Variants in PITPNC1 observed in about 807,000 individuals in gnomAD.
PITPNC1 encodes phosphatidylinositol transfer protein cytoplasmic 1.
PITPNC1 carries 18 observed loss-of-function variants against 44.7 expected under a neutral mutation model. That is an observed-to-expected ratio of 0.40 (90% CI 0.28 to 0.60). The LOEUF is 0.60. Ranked by LOEUF, PITPNC1 falls within the 20% of genes least tolerant of loss-of-function variation. The pLI is 0.39. For missense variants in PITPNC1, 290 were observed against 418.4 expected, an observed-to-expected ratio of 0.69 and a Z score of 2.68; for synonymous variants, 141 against 149.6, an observed-to-expected ratio of 0.94 and a Z score of 0.42.
At position 67,410,355 on chromosome 17, in the gene PITPNC1, A is replaced by T. The variant is rs528780956; in HGVS notation, c.48+32153A>T. ...TTTTAAAATATTAATGTGGACCTTA[A>T]ACAGGTCTTTGGCTGGTTGAGGTAG... On this transcript the variant is annotated intron_variant, in intron 1 of 8. Coordinates refer to ENST00000581322, the MANE Select transcript of PITPNC1 (RefSeq NM_012417.4). Among the ~76,000 whole-genome samples the T allele has an allele frequency of 1.3e-3, 196 of 152,254 alleles. 1 individual carries two copies. The highest frequency in any genetic ancestry group is 4.6e-3 in the African/African-American group (193 of 41,562).
chr17:67,631,695 T>C (rs1469708964), intron 5 of PITPNC1, among the ~76,000 whole-genome samples: 1 of 117,026 alleles, frequency 8.5e-6, no homozygotes, highest in Non-Finnish European at 1.8e-5. Context: ...TTAACATATA[T>C]ATAATTTTAA....
At chr17:67,653,051 G>A (rs551073614) in intron 6 of PITPNC1, among the ~76,000 whole-genome samples, 46 of 152,276 alleles carry the variant, frequency 3.0e-4, no homozygotes, top group African/African-American at 9.9e-4. Flanking sequence ...GGAGGTCAAC[G>A]CAGGCGGATC....
chr17:67,466,784 T>G (rs2039433947), intron 1 of PITPNC1, among the ~76,000 whole-genome samples: 2 of 152,096 alleles, frequency 1.3e-5, no homozygotes, highest in Non-Finnish European at 2.9e-5. Context: ...GGCAGGAGGT[T>G]GGGCTGGGAG....
intron 5 of PITPNC1, among the ~76,000 whole-genome samples, chr17:67,623,109 CAAAA>C (rs1198070826): frequency 0.035 from 2,986 of 85,300 alleles, 111 homozygotes; most frequent in African/African-American, 0.12. Context: ...TCCCAAAAGC[CAAAA>C]AAAAAAAAAA....
At chr17:67,576,198 T>C (rs1598841920) in intron 4 of PITPNC1, among the ~76,000 whole-genome samples, 2 of 152,058 alleles carry the variant, frequency 1.3e-5, no homozygotes, top group East Asian at 3.9e-4. Flanking sequence ...TTTCTAACAA[T>C]TCTGGGCTGC....
intron 1 of PITPNC1, among the ~76,000 whole-genome samples, chr17:67,406,575 G>A (rs1468863668): frequency 1.4e-5 from 2 of 144,026 alleles, no homozygotes; most frequent in South Asian, 2.2e-4. Flanking sequence ...GCTTAATTAT[G>A]TATATATTAT....
intron 6 of PITPNC1, among the ~76,000 whole-genome samples, chr17:67,649,849 CA>C (rs2042190398): frequency 6.6e-6 from 1 of 152,052 alleles, no homozygotes; most frequent in African/African-American, 2.4e-5. Flanking sequence ...AGTTTATTAT[CA>C]AGGATATGAC....
At chr17:67,410,323 C>T (rs1235732373) in intron 1 of PITPNC1, among the ~76,000 whole-genome samples, 1 of 152,126 alleles carries the variant, frequency 6.6e-6, no homozygotes, top group Non-Finnish European at 1.5e-5. Context: ...TTAAGTATCT[C>T]TTTACATTTT....
At chr17:67,507,210 C>T (rs908870814) in intron 1 of PITPNC1, among the ~76,000 whole-genome samples, 2 of 152,044 alleles carry the variant, frequency 1.3e-5, no homozygotes, top group Non-Finnish European at 2.9e-5. Context: ...AGAGAAGCCA[C>T]GCTGAGAATG....
At chr17:67,490,348 T>C (rs1297842627) in intron 1 of PITPNC1, among the ~76,000 whole-genome samples, 1 of 151,918 alleles carries the variant, frequency 6.6e-6, no homozygotes, top group African/African-American at 2.4e-5. Flanking sequence ...TGTTGGTTTT[T>C]TGTTTTTTGT....
chr17:67,623,381 C>T (rs1422348830), intron 5 of PITPNC1, among the ~76,000 whole-genome samples: 1 of 152,000 alleles, frequency 6.6e-6, no homozygotes, highest in Non-Finnish European at 1.5e-5. Flanking sequence ...CTTTTCTTTT[C>T]TTTTCTTTTT....
chr17:67,662,980 G>T (rs1374400817), intron 6 of PITPNC1, among the ~76,000 whole-genome samples: 1 of 152,082 alleles, frequency 6.6e-6, no homozygotes, highest in Non-Finnish European at 1.5e-5. Context: ...TTTGTGAATA[G>T]CACAGTGATG....
intron 5 of PITPNC1, among the ~76,000 whole-genome samples, chr17:67,607,430 A>G (rs1190345631): frequency 6.6e-6 from 1 of 152,236 alleles, no homozygotes; most frequent in African/African-American, 2.4e-5. Context: ...GCAGATGGAC[A>G]GGGGGTGCTC....
At chr17:67,675,570 T>G (rs749009010) in intron 8 of PITPNC1, 28 bp downstream of exon 8, 7 of 1,459,966 alleles carry the variant, frequency 4.8e-6, no homozygotes, top group Non-Finnish European at 6.7e-6. Flanking sequence ...AAATAACTTG[T>G]AGAACAACTT....
At chr17:67,387,238 C>G (rs1055611371) in intron 1 of PITPNC1, among the ~76,000 whole-genome samples, 2 of 152,192 alleles carry the variant, frequency 1.3e-5, no homozygotes, top group African/African-American at 4.8e-5. Flanking sequence ...ACTGCCCTTT[C>G]ATGCTCCCAG....
At position 67,425,205 on chromosome 17, in the gene PITPNC1, A is replaced by ACG. The variant is rs1287387591; in HGVS notation, c.48+47004_48+47005insGC. On this transcript the variant is annotated intron_variant, in intron 1 of 8. Coordinates refer to ENST00000581322, the MANE Select transcript of PITPNC1 (RefSeq NM_012417.4). Reference sequence around the variant, plus strand: ...ATGTTGTGCGCGCGCACGCACACGCACACACACACACACACACACACACAC... The same window carrying ACG: ...ATGTTGTGCGCGCGCACGCACACGCACGCACACACACACACACACACACACAC... 1.2e-3 allele frequency among the ~76,000 whole-genome samples: 52 copies of ACG among 43,616 alleles called. 3 individuals are homozygous for ACG. The highest frequency in any genetic ancestry group is 2.8e-3 in the African/African-American group (18 of 6,530). The allele number at this position is 43,616 out of a possible 152,430, so 28.6% of individuals were successfully genotyped here.
At chr17:67,653,395 G>A (rs1171212208) in intron 6 of PITPNC1, among the ~76,000 whole-genome samples, 1 of 152,194 alleles carries the variant, frequency 6.6e-6, no homozygotes, top group African/African-American at 2.4e-5. Context: ...GCCAAGGAAC[G>A]CCCAGGGGAA....
intron 1 of PITPNC1, among the ~76,000 whole-genome samples, chr17:67,461,669 G>A (rs1228313726): frequency 1.3e-5 from 2 of 152,162 alleles, no homozygotes; most frequent in African/African-American, 4.8e-5. Flanking sequence ...GCTCACACCT[G>A]TAATTCCAAA....
intron 1 of PITPNC1, among the ~76,000 whole-genome samples, chr17:67,516,451 G>T (rs1479317892): frequency 6.6e-6 from 1 of 152,180 alleles, no homozygotes; most frequent in Non-Finnish European, 1.5e-5. Context: ...GGATTAAATA[G>T]TATAAATATT....
Sources: gnomAD v4.1 joint callset for allele counts (sites outside exome capture counted in the v4.1 genomes callset) on GRCh38, gnomAD v4.1.1 for gene constraint, MANE v1.5 for transcripts, NCBI Gene and HGNC (gene_info 2026-07-23, HGNC 2026-07-21) for gene names.